The following ZNF267 variants were observed in gnomAD, a reference collection of about 807,000 sequenced individuals.
ZNF267 encodes zinc finger (C2H2).
ZNF267 carries 61 observed loss-of-function variants against 71.6 expected under a neutral mutation model. The ratio of observed to expected loss-of-function variants is 0.85; its 90% confidence interval spans 0.69 to 1.05. The LOEUF (loss-of-function observed/expected upper bound fraction) is 1.05. Ranked by LOEUF, ZNF267 falls within the 50% of genes least tolerant of loss-of-function variation. ZNF267 has a pLI of 0.00. For missense variants in ZNF267, 852 were observed against 870.0 expected (o/e 0.98, Z 0.26); for synonymous variants, 288 against 293.2 (o/e 0.98, Z 0.18).
chr16:31,903,090 T>C (rs550577125), intron 3 of ZNF267, among the ~76,000 whole-genome samples: 12 of 152,352 alleles, frequency 7.9e-5, no homozygotes, highest in African/African-American at 2.6e-4. Flanking sequence ...GGATTATGTT[T>C]CTTGAATTTC....
chr16:31,896,237 C>A (rs886654502), intron 3 of ZNF267, among the ~76,000 whole-genome samples: 2 of 152,130 alleles, frequency 1.3e-5, no homozygotes, highest in Non-Finnish European at 2.9e-5. Flanking sequence ...GCCCTCGATT[C>A]CTGACCTCAA....
intron 1 of ZNF267, chr16:31,874,195 C>T (rs2083835374): frequency 1.9e-6 from 1 of 514,796 alleles, no homozygotes; most frequent in Non-Finnish European, 3.5e-6. Flanking sequence ...CGCAGAGCGA[C>T]CTCGTCCCTG....
At chr16:31,885,790 G>T (rs188726553) in intron 3 of ZNF267, among the ~76,000 whole-genome samples, 1 of 152,224 alleles carries the variant, frequency 6.6e-6, no homozygotes, top group African/African-American at 2.4e-5. Context: ...AAAATACAAG[G>T]CATCTTCCCA....
chr16:31,889,729 T>C (rs2083947378), intron 3 of ZNF267, among the ~76,000 whole-genome samples: 1 of 152,110 alleles, frequency 6.6e-6, no homozygotes, highest in Non-Finnish European at 1.5e-5. Flanking sequence ...CCAGACTAAG[T>C]TGGGAGGTGC....
chr16:31,898,732 A>G (rs2084017820), intron 3 of ZNF267, among the ~76,000 whole-genome samples: 1 of 152,064 alleles, frequency 6.6e-6, no homozygotes, highest in Non-Finnish European at 1.5e-5. Context: ...ATTGTATTTT[A>G]TTGAGGTCAC....
At chr16:31,902,433 A>G (rs985582262) in intron 3 of ZNF267, among the ~76,000 whole-genome samples, 2 of 152,228 alleles carry the variant, frequency 1.3e-5, no homozygotes, top group African/African-American at 4.8e-5. Context: ...TGAGCATGGA[A>G]TGTTCTTCCA....
At chr16:31,906,055 A>T (rs2084087193) in intron 3 of ZNF267, among the ~76,000 whole-genome samples, 1 of 152,126 alleles carries the variant, frequency 6.6e-6, no homozygotes, top group South Asian at 2.1e-4. Context: ...TCCACTCCAG[A>T]CCCTGTATGT....
At chr16:31,905,616 T>A (rs1420797443) in intron 3 of ZNF267, among the ~76,000 whole-genome samples, 2 of 152,200 alleles carry the variant, frequency 1.3e-5, no homozygotes, top group East Asian at 1.9e-4. Context: ...GTAGTTCGTG[T>A]GCCTTGGTTT....
intron 3 of ZNF267, among the ~76,000 whole-genome samples, chr16:31,910,679 A>G (rs1381221000): frequency 6.6e-6 from 1 of 151,460 alleles, no homozygotes; most frequent in Admixed American, 6.6e-5. Context: ...TATCTGCTTA[A>G]AAAAATCAAC....
chr16:31,909,120 CTTTTTTTTTTTTTTTTTT>C (rs34409182), intron 3 of ZNF267, among the ~76,000 whole-genome samples: 1 of 45,322 alleles, frequency 2.2e-5, no homozygotes, highest in Admixed American at 4.0e-4. Flanking sequence ...CTTTTCTTTT[CTTTTTTTTTTTTTTTTTT>C]TTTTTTTTGA....
chr16:31,901,695 C>T (rs1415400487), intron 3 of ZNF267, among the ~76,000 whole-genome samples: 1 of 152,078 alleles, frequency 6.6e-6, no homozygotes, highest in African/African-American at 2.4e-5. Context: ...TGGATATTAG[C>T]CCTTTGTCAG....
At chr16:31,882,353 C>T (rs1311499425) in intron 1 of ZNF267, among the ~76,000 whole-genome samples, 3 of 152,248 alleles carry the variant, frequency 2.0e-5, no homozygotes, top group Admixed American at 6.5e-5. Context: ...TCACTGTGAA[C>T]GAAAAGTATT....
chr16:31,879,664 A>C (rs1025764315), intron 1 of ZNF267, among the ~76,000 whole-genome samples: 1 of 152,176 alleles, frequency 6.6e-6, no homozygotes, highest in African/African-American at 2.4e-5. Flanking sequence ...CTTTCTGCTT[A>C]CTTGGGATCT....
chr16:31,883,283 T>A (rs2083902151), intron 1 of ZNF267, among the ~76,000 whole-genome samples: 1 of 152,140 alleles, frequency 6.6e-6, no homozygotes, highest in South Asian at 2.1e-4. Context: ...TTGGTCTTTA[T>A]AAAGGCATCA....
intron 1 of ZNF267, among the ~76,000 whole-genome samples, chr16:31,877,337 TA>T (rs2083859273): frequency 1.3e-5 from 2 of 152,050 alleles, no homozygotes; most frequent in South Asian, 4.1e-4. Context: ...AGTATTGCAA[TA>T]GGGGGAAAGC....
chr16:31,915,571 G>A lies in ZNF267; in HGVS notation c.1322G>A (p.Cys441Tyr). The change falls in exon 4 of 4, where the codon TGT becomes TAT. Residue 441 changes from cysteine (C) to tyrosine (Y), a missense_variant. By Grantham distance (194) the Cys-to-Tyr change is radical. Coordinates refer to ENST00000300870, the MANE Select transcript of ZNF267 (RefSeq NM_003414.6). The stretch of plus-strand genomic sequence containing the variant: ...GAGAAACCTTATAAATGTAAAGAAT[G>A]TGGAAAAGCTTTTAACCGTAGTTCA... ...TGEKPYKCKECGKAFNRSSCL... is the reference protein window; with the variant it reads ...TGEKPYKCKEYGKAFNRSSCL... The A allele has an allele frequency of 6.2e-7, 1 of 1,613,320 alleles. No individual in the cohort carries two copies. The highest frequency in any genetic ancestry group is 8.5e-7 in the Non-Finnish European group (1 of 1,179,880).
chr16:31,891,901 G>C (rs1357464631), intron 3 of ZNF267, among the ~76,000 whole-genome samples: 1 of 152,198 alleles, frequency 6.6e-6, no homozygotes, highest in Non-Finnish European at 1.5e-5. Flanking sequence ...TTTGGAACTG[G>C]GTAGCAGGCA....
At chr16:31,894,160 G>T (rs1259579918) in intron 3 of ZNF267, among the ~76,000 whole-genome samples, 1 of 152,188 alleles carries the variant, frequency 6.6e-6, no homozygotes, top group East Asian at 1.9e-4. Context: ...TTGGGCCATG[G>T]CTTTATGGAC....
chr16:31,910,703 GA>G (rs2084129104), intron 3 of ZNF267, among the ~76,000 whole-genome samples: 1 of 150,654 alleles, frequency 6.6e-6, no homozygotes, highest in African/African-American at 2.5e-5. Context: ...TCATTTCATT[GA>G]TTTTTTTTGT....
Sources: allele counts gnomAD v4.1 joint callset (sites outside exome capture counted in the v4.1 genomes callset), GRCh38; gene constraint gnomAD v4.1.1; transcripts MANE v1.5; gene names NCBI Gene and HGNC (gene_info 2026-07-23, HGNC 2026-07-21).